BATF3: variants seen among roughly 807,000 people sequenced by gnomAD.
BATF3 encodes the protein basic leucine zipper ATF-like transcription factor 3, also known as basic leucine zipper transcriptional factor ATF-like 3.
Under a neutral mutation model 16.1 loss-of-function variants are expected in BATF3, and 8 were observed. The observed-to-expected ratio is 0.50, with a 90% confidence interval of 0.29 to 0.90. The LOEUF (loss-of-function observed/expected upper bound fraction) is 0.90, where lower values mean the gene tolerates loss of function less well. Among genes scored for constraint, BATF3 ranks in the 40% least tolerant of loss-of-function variants. The pLI, the probability that BATF3 is intolerant of heterozygous loss-of-function variation, is 0.08. For missense variants in BATF3, 139 were observed against 167.0 expected (o/e 0.83, Z 0.92); for synonymous variants, 74 against 72.7 (o/e 1.02, Z -0.09).
rs190524876 is a variant in BATF3 at position 212,692,133 on chromosome 1, G to A, written c.195+4828C>T. Among the ~76,000 whole-genome samples, 67 of 152,300 alleles carry A rather than the reference G, an allele frequency of 4.4e-4. No individual in the cohort carries two copies. In the East Asian group the frequency reaches 0.012, roughly 28 times the overall value. On this transcript the variant is annotated intron_variant, in intron 2 of 2. Coordinates refer to ENST00000243440, the MANE Select transcript of BATF3 (RefSeq NM_018664.3). The stretch of plus-strand genomic sequence containing the variant: ...CTTCCCCCATTCTCCCCTCCACAGA[G>A]GGCTCGCCTTGACGGACACTCCTAG...
intron 1 of BATF3, chr1:212,697,300 A>G (rs2102404098): frequency 2.2e-6 from 1 of 462,008 alleles, no homozygotes; most frequent in Non-Finnish European, 3.9e-6. Context: ...TAAGAAACTC[A>G]GAGAGGTTAA....
chr1:212,690,505 A>T (rs1656976918), intron 2 of BATF3, among the ~76,000 whole-genome samples: 1 of 152,232 alleles, frequency 6.6e-6, no homozygotes, highest in Admixed American at 6.5e-5. Flanking sequence ...AAGAAGTCAA[A>T]ATCTTTAGGT....
rs181510415 is a variant in BATF3, at chr1:212,686,832, G to T, written c.343C>A (p.Pro115Thr). ...CCGGCCACAGGGTCCGGCCGGGGAG[G>T]CACTGGCACAAAGTTCATAGGGCAG... The part of the protein sequence containing the change: ...LLCPMNFVPV[P>T]PRPDPVAGCL... The change falls in exon 3 of 3, where the codon CCT becomes ACT. Residue 115 changes from proline (P) to threonine (T), a missense_variant. Transcript: ENST00000243440. 2 of 1,613,842 alleles carry T rather than the reference G, an allele frequency of 1.2e-6. No individual in the cohort carries two copies. The highest frequency in any genetic ancestry group is 2.7e-5 in the African/African-American group (2 of 75,046).
intron 1 of BATF3, chr1:212,698,261 T>TA (rs1174001770): frequency 6.6e-6 from 1 of 152,260 alleles, no homozygotes; most frequent in African/African-American, 2.4e-5. Flanking sequence ...TCTTTAGCTT[T>TA]AGAATCACAC....
intron 2 of BATF3, among the ~76,000 whole-genome samples, chr1:212,691,337 C>A (rs1438268895): frequency 6.6e-6 from 1 of 152,178 alleles, no homozygotes; most frequent in Non-Finnish European, 1.5e-5. Flanking sequence ...GTGACTTTTC[C>A]AAGGTCACAT....
At chr1:212,696,141 GAA>G (rs988457751) in intron 2 of BATF3, among the ~76,000 whole-genome samples, 1 of 132,538 alleles carries the variant, frequency 7.5e-6, no homozygotes, top group African/African-American at 2.8e-5. Flanking sequence ...TCCAGGGTGA[GAA>G]AAAAAAAAAA....
rs962959247 is a variant in BATF3, at chr1:212,699,645, G to C, written c.90+28C>G. On this transcript the variant is annotated intron_variant, in intron 1 of 2. Transcript: ENST00000243440. The surrounding 1 kb of genome is among the most constrained non-coding windows in gnomAD (Gnocchi z 4.4). ...CGGCGCGCCGGTCCCCGCACCCCAC[G>C]GCCCTCCCTGAGCCTCTCGCCCTCT... The C allele has an allele frequency of 2.3e-6, 3 of 1,289,616 alleles. No homozygotes were observed. Among genetic ancestry groups the C allele is most frequent in the African/African-American group, 3.1e-5 (2 of 64,206 alleles). The allele number at this position is 1,289,616 out of a possible 1,614,324, so 79.9% of individuals were successfully genotyped here.
chr1:212,689,526 A>T lies in BATF3; in HGVS notation c.196-2547T>A, dbSNP rs1178787355. On this transcript the variant is annotated intron_variant, in intron 2 of 2. Transcript: ENST00000243440. The surrounding 1 kb of genome is among the most constrained non-coding windows in gnomAD (Gnocchi z 4.6). ...TCCCAAGCCTTCATGCCCTCCTTTG[A>T]CCTCTGACAAGCTCTAGTTCTGGAG... Among the ~76,000 whole-genome samples the T allele has an allele frequency of 6.6e-6, 1 of 151,766 alleles. No individual in the cohort carries two copies. The highest frequency in any genetic ancestry group is 1.5e-5 in the Non-Finnish European group (1 of 67,950).
At chr1:212,691,454 G>T (rs1269505437) in intron 2 of BATF3, among the ~76,000 whole-genome samples, 1 of 152,172 alleles carries the variant, frequency 6.6e-6, no homozygotes, top group South Asian at 2.1e-4. Context: ...CCCCATGATG[G>T]TTACCAGAAG....
Position 212,697,045 on chromosome 1 carries a change from C to T in BATF3, c.111G>A (p.Arg37=). 6.2e-7 allele frequency: 1 copy of T among 1,614,156 alleles called. No individual in the cohort carries two copies. The highest frequency in any genetic ancestry group is 1.1e-5 in the South Asian group (1 of 91,082). Reference sequence around the variant, plus strand: ...GGTTTTTTTCTCTCCTTCGGACCTTCCTGTCATCATCCTCAGGGCTCTGGG... The same window carrying T: ...GGTTTTTTTCTCTCCTTCGGACCTTTCTGTCATCATCCTCAGGGCTCTGGG... ...PQQQSPEDDD[R]KVRRREKNRV... The change falls in exon 2 of 3, where the codon AGG becomes AGA. Residue 37 remains arginine (R), a synonymous_variant. Transcript: ENST00000243440.
rs1657201272 is a variant in BATF3 at position 212,699,199 on chromosome 1, T to C, written c.90+474A>G. ...ACCAGCTGGGGGCGGAGTCGGCCCTTTGTGGGTTCCCTCCGCCCAGGCTGA... is the reference window on the plus strand; with the variant it reads ...ACCAGCTGGGGGCGGAGTCGGCCCTCTGTGGGTTCCCTCCGCCCAGGCTGA... On this transcript the variant is annotated intron_variant, in intron 1 of 2. Coordinates refer to ENST00000243440, the MANE Select transcript of BATF3 (RefSeq NM_018664.3). This position sits in a 1 kb window ranked among gnomAD's most constrained non-coding sequence, Gnocchi z 4.4. Among the ~76,000 whole-genome samples the C allele has an allele frequency of 6.6e-6, 1 of 152,190 alleles. No individual in the cohort carries two copies. The highest frequency in any genetic ancestry group is 1.5e-5 in the Non-Finnish European group (1 of 68,022).
chr1:212,699,807 C>T lies in BATF3; in HGVS notation c.-45G>A, dbSNP rs1300648508. The T allele has an allele frequency of 8.8e-7, 1 of 1,136,928 alleles. No individual in the cohort carries two copies. Among genetic ancestry groups the T allele is most frequent in the Non-Finnish European group, 1.1e-6 (1 of 924,604 alleles). The allele number at this position is 1,136,928 out of a possible 1,614,324, so 70.4% of individuals were successfully genotyped here. On this transcript the variant is annotated 5_prime_UTR_variant, in exon 1 of 3. Transcript: ENST00000243440. This position sits in a 1 kb window ranked among gnomAD's most constrained non-coding sequence, Gnocchi z 4.4. Reference sequence around the variant, plus strand: ...CGGCCCGCCCCGCCCCGCCCGCGCGCCCTGCCCGTGGGGCTGCCTACGGGC... The same window carrying T: ...CGGCCCGCCCCGCCCCGCCCGCGCGTCCTGCCCGTGGGGCTGCCTACGGGC...
rs988919110 is a variant in BATF3, at chr1:212,689,708, C to T, written c.196-2729G>A. Among the ~76,000 whole-genome samples the T allele has an allele frequency of 2.6e-5, 4 of 151,912 alleles. No individual in the cohort carries two copies. The highest frequency in any genetic ancestry group is 9.7e-5 in the African/African-American group (4 of 41,326). ...ACACACACACGTCTGCAAACACACA[C>T]TCACACACTCTCATACACATTCACA... On this transcript the variant is annotated intron_variant, in intron 2 of 2. Transcript: ENST00000243440. The surrounding 1 kb of genome is among the most constrained non-coding windows in gnomAD (Gnocchi z 4.6).
Position 212,686,611 on chromosome 1 carries a change from T to G in BATF3, c.*180A>C. The G allele has an allele frequency of 9.7e-7, 1 of 1,028,776 alleles. No homozygotes were observed. Among genetic ancestry groups the G allele is most frequent in the Non-Finnish European group, 1.4e-6 (1 of 732,652 alleles). 63.7% of individuals were successfully genotyped at this position (1,028,776 alleles called of 1,614,324 possible). Reference sequence around the variant, plus strand: ...GATCTGCACAAGGGCTCTGTGAGTTTGGCGCCTGTTGGATGTCGGGCTGAG... The same window carrying G: ...GATCTGCACAAGGGCTCTGTGAGTTGGGCGCCTGTTGGATGTCGGGCTGAG... On this transcript the variant is annotated 3_prime_UTR_variant, in exon 3 of 3. Transcript: ENST00000243440.
At chr1:212,698,764 A>T in intron 1 of BATF3, 1 of 152,394 alleles carries the variant, frequency 6.6e-6, no homozygotes, top group East Asian at 1.9e-4. Context: ...ATCAAGACAG[A>T]AAGAGGTGAG....
At position 212,686,650 on chromosome 1, in the gene BATF3, G is replaced by T; in HGVS notation, c.*141C>A. The stretch of plus-strand genomic sequence containing the variant: ...TGTCGGGCTGAGCCCAGTCTGCAGG[G>T]AACACAGCTGGCTGGTCCTGGAGCT... On this transcript the variant is annotated 3_prime_UTR_variant, in exon 3 of 3. Coordinates refer to ENST00000243440, the MANE Select transcript of BATF3 (RefSeq NM_018664.3). 7.3e-7 allele frequency: 1 copy of T among 1,374,592 alleles called. No individual in the cohort carries two copies. Among genetic ancestry groups the T allele is most frequent in the Non-Finnish European group, 9.6e-7 (1 of 1,042,480 alleles). 85.1% of individuals were successfully genotyped at this position (1,374,592 alleles called of 1,614,324 possible).
chr1:212,698,381 A>G (rs1452633202), intron 1 of BATF3: 1 of 152,224 alleles, frequency 6.6e-6, no homozygotes, highest in East Asian at 1.9e-4. Context: ...CATTCTTTCA[A>G]TATGTATTAA....
intron 2 of BATF3, among the ~76,000 whole-genome samples, chr1:212,688,012 G>A (rs201453957): frequency 0.13 from 8,297 of 62,620 alleles, 636 homozygotes; most frequent in African/African-American, 0.32. Flanking sequence ...AGGAAGGAAG[G>A]AAGGAAGGAA....
chr1:212,695,296 C>A (rs1474415594), intron 2 of BATF3, among the ~76,000 whole-genome samples: 1 of 152,012 alleles, frequency 6.6e-6, no homozygotes, highest in Non-Finnish European at 1.5e-5. Flanking sequence ...AGTTCGAGAC[C>A]AGCCTGGCCA....
Sources: allele counts gnomAD v4.1 joint callset (sites outside exome capture counted in the v4.1 genomes callset), GRCh38; gene constraint gnomAD v4.1.1; non-coding constraint Gnocchi (gnomAD v3.1); transcripts MANE v1.5; gene names NCBI Gene and HGNC (gene_info 2026-07-23, HGNC 2026-07-21).